Variants in KHDRBS2 observed in about 807,000 individuals in gnomAD.
The protein encoded by KHDRBS2 is KH RNA binding domain containing, signal transduction associated 2.
A neutral mutation model predicts 44.3 loss-of-function variants in KHDRBS2; 26 were observed. The ratio of observed to expected loss-of-function variants is 0.59; its 90% CI spans 0.43 to 0.81. The LOEUF (loss-of-function observed/expected upper bound fraction) is 0.81, where lower values mean the gene tolerates loss of function less well. Among genes scored for constraint, KHDRBS2 ranks in the 40% least tolerant of loss-of-function variants. KHDRBS2 has a pLI of 0.00. For missense variants in KHDRBS2, 476 were observed against 433.1 expected (o/e 1.10, Z -0.88); for synonymous variants, 194 against 151.1 (o/e 1.28, Z -2.08).
At chr6:61,920,408 T>C (rs1226280466) in intron 4 of KHDRBS2, among the ~76,000 whole-genome samples, 1 of 151,958 alleles carries the variant, frequency 6.6e-6, no homozygotes, top group Non-Finnish European at 1.5e-5. Context: ...TGATAAATGT[T>C]AGTTCTTATG....
chr6:61,806,230 A>T (rs772209226), intron 6 of KHDRBS2, among the ~76,000 whole-genome samples: 29 of 151,784 alleles, frequency 1.9e-4, no homozygotes, highest in Non-Finnish European at 2.4e-4. Context: ...ATCATAAAAG[A>T]TGATACAGCC....
chr6:62,116,938 T>C (rs1806384853), intron 2 of KHDRBS2, among the ~76,000 whole-genome samples: 1 of 152,236 alleles, frequency 6.6e-6, no homozygotes, highest in African/African-American at 2.4e-5. Context: ...CTTTTCTTTA[T>C]GGCTGAATAA....
intron 2 of KHDRBS2, among the ~76,000 whole-genome samples, chr6:62,133,806 C>A (rs543355494): frequency 4.1e-4 from 62 of 152,128 alleles, no homozygotes; most frequent in Non-Finnish European, 8.4e-4. Flanking sequence ...GTGACTCTTG[C>A]TATGTTTTAG....
the KHDRBS2 span, among the ~76,000 whole-genome samples, chr6:61,657,699 T>C: frequency 6.6e-6 from 1 of 151,960 alleles, no homozygotes; most frequent in African/African-American, 2.4e-5. Context: ...GAAGGACTGA[T>C]CTGAGAAGAG....
At chr6:61,741,751 G>T (rs961996694) in intron 6 of KHDRBS2, among the ~76,000 whole-genome samples, 1 of 151,858 alleles carries the variant, frequency 6.6e-6, no homozygotes, top group Non-Finnish European at 1.5e-5. Flanking sequence ...GTCAACTAAA[G>T]AGAACAGAAG....
chr6:62,285,782 A>G, intron 1 of KHDRBS2, 76 bp downstream of exon 1: 1 of 992,716 alleles, frequency 1.0e-6, no homozygotes, highest in Admixed American at 1.9e-5. Flanking sequence ...TCCCTCCCCA[A>G]CTTCACTCCC....
At chr6:61,815,248 A>G (rs1257664086) in intron 6 of KHDRBS2, among the ~76,000 whole-genome samples, 1 of 152,096 alleles carries the variant, frequency 6.6e-6, no homozygotes, top group Non-Finnish European at 1.5e-5. Context: ...GGGATGATTC[A>G]TGTCCCAGGA....
intron 1 of KHDRBS2, among the ~76,000 whole-genome samples, chr6:62,275,710 A>C (rs1295002876): frequency 6.6e-6 from 1 of 152,174 alleles, no homozygotes; most frequent in East Asian, 1.9e-4. Flanking sequence ...CCCTTAAACA[A>C]GTTATGTTCT....
chr6:61,987,279 C>T (rs1240904695), intron 3 of KHDRBS2, among the ~76,000 whole-genome samples: 1 of 152,088 alleles, frequency 6.6e-6, no homozygotes, highest in Non-Finnish European at 1.5e-5. Flanking sequence ...ATACAATATG[C>T]TAAATTATAT....
the KHDRBS2 span, among the ~76,000 whole-genome samples, chr6:61,543,478 C>A: frequency 6.6e-6 from 1 of 151,898 alleles, no homozygotes; most frequent in African/African-American, 2.4e-5. Flanking sequence ...GAAAAGGGAA[C>A]CCTCATACAC....
intron 2 of KHDRBS2, among the ~76,000 whole-genome samples, chr6:62,156,846 T>A (rs1209600670): frequency 6.8e-6 from 1 of 146,646 alleles, no homozygotes; most frequent in Non-Finnish European, 1.5e-5. Context: ...TAATTTTTTT[T>A]TTTTTTTTTT....
At chr6:62,157,754 GAACA>G (rs1393892655) in intron 2 of KHDRBS2, among the ~76,000 whole-genome samples, 1 of 151,948 alleles carries the variant, frequency 6.6e-6, no homozygotes, top group Non-Finnish European at 1.5e-5. Flanking sequence ...CCAAACATTT[GAACA>G]AAGAAGCAGC....
At position 62,216,801 on chromosome 6, in the gene KHDRBS2, A is replaced by C. The variant is rs148140155; in HGVS notation, c.92-39489T>G. Among the ~76,000 whole-genome samples the C allele has an allele frequency of 4.0e-5, 6 of 150,986 alleles. No individual in the cohort carries two copies. In the East Asian group the frequency reaches 1.2e-3, roughly 29 times the overall value. On this transcript the variant is annotated intron_variant, in intron 1 of 8. Transcript: ENST00000281156. ...AGACTTTAGATGACCAAAAGCCTAG[A>C]TCACTTCGGTGAGATACAGGAAAAC...
intron 2 of KHDRBS2, among the ~76,000 whole-genome samples, chr6:62,125,002 CA>C (rs1162327534): frequency 3.9e-5 from 6 of 152,132 alleles, no homozygotes; most frequent in Non-Finnish European, 8.8e-5. Context: ...GGACACTGAA[CA>C]TTTTTTTTCA....
chr6:62,272,605 T>C (rs1840265983), intron 1 of KHDRBS2, among the ~76,000 whole-genome samples: 1 of 152,080 alleles, frequency 6.6e-6, no homozygotes, highest in South Asian at 2.1e-4. Flanking sequence ...GTATTGAGTA[T>C]TGGAGGAAAA....
At chr6:61,629,093 C>T in the KHDRBS2 span, among the ~76,000 whole-genome samples, 7 of 152,246 alleles carry the variant, frequency 4.6e-5, no homozygotes, top group East Asian at 9.7e-4. Context: ...TCCATATTGT[C>T]CTGCTGATAG....
intron 6 of KHDRBS2, among the ~76,000 whole-genome samples, chr6:61,831,004 A>G (rs78756670): frequency 0.028 from 4,273 of 152,274 alleles, 196 homozygotes; most frequent in African/African-American, 0.097. Flanking sequence ...AAGATATAAA[A>G]AAAAGTCCGA....
At chr6:61,544,610 G>A in the KHDRBS2 span, among the ~76,000 whole-genome samples, 7 of 152,022 alleles carry the variant, frequency 4.6e-5, no homozygotes, top group African/African-American at 1.7e-4. Flanking sequence ...CTGACTCTCA[G>A]GTGTGGCTGA....
At chr6:61,547,571 C>T in the KHDRBS2 span, among the ~76,000 whole-genome samples, 5 of 152,206 alleles carry the variant, frequency 3.3e-5, no homozygotes, top group African/African-American at 1.2e-4. Context: ...CTGACCAAGT[C>T]ATGTTTATTT....
Sources: gnomAD v4.1 joint callset for allele counts (sites outside exome capture counted in the v4.1 genomes callset) on GRCh38, gnomAD v4.1.1 for gene constraint, MANE v1.5 for transcripts, NCBI Gene and HGNC (gene_info 2026-07-23, HGNC 2026-07-21) for gene names.